DMRT1: variants seen among roughly 807,000 people sequenced by gnomAD.
DMRT1 encodes the protein doublesex- and mab-3-related transcription factor 1.
DMRT1 carries 7 observed loss-of-function variants against 32.3 expected under a neutral mutation model. The observed-to-expected ratio is 0.22, with a 90% CI of 0.12 to 0.41. The LOEUF is 0.41. DMRT1 is among the 10% of genes least tolerant of loss of function. DMRT1 has a pLI of 1.00. For missense variants in DMRT1, 625 were observed against 500.5 expected (o/e 1.25, Z -2.37); for synonymous variants, 278 against 206.1 (o/e 1.35, Z -2.99).
At chr9:881,960 C>T (rs910404747) in intron 2 of DMRT1, among the ~76,000 whole-genome samples, 1 of 152,356 alleles carries the variant, frequency 6.6e-6, no homozygotes, top group East Asian at 1.9e-4. Flanking sequence ...AAATCTCTGT[C>T]TTGGCCGTGA....
intron 1 of DMRT1, 59 bp from the exon 2 acceptor site, chr9:846,901 T>G: frequency 2.5e-5 from 40 of 1,603,576 alleles, no homozygotes; most frequent in Non-Finnish European, 3.4e-5. Flanking sequence ...GGGGCTTCTG[T>G]GTTTTGGCAA....
intron 3 of DMRT1, among the ~76,000 whole-genome samples, chr9:908,790 C>T (rs1817870704): frequency 6.6e-6 from 1 of 152,008 alleles, no homozygotes; most frequent in African/African-American, 2.4e-5. Context: ...TTCTCTCTGC[C>T]CTGTTGTGTG....
chr9:967,374 G>A, intron 4 of DMRT1, among the ~76,000 whole-genome samples: 1 of 152,152 alleles, frequency 6.6e-6, no homozygotes, highest in East Asian at 1.9e-4. Context: ...ATTTTAGTGT[G>A]ATGTAATTTA....
chr9:900,273 A>G (rs971932244), intron 3 of DMRT1, among the ~76,000 whole-genome samples: 2 of 152,110 alleles, frequency 1.3e-5, no homozygotes, highest in Non-Finnish European at 2.9e-5. Context: ...CTGCCTGCTG[A>G]GGGTGGAAGG....
chr9:871,134 T>C (rs1176167079), intron 2 of DMRT1, among the ~76,000 whole-genome samples: 1 of 151,818 alleles, frequency 6.6e-6, no homozygotes, highest in Non-Finnish European at 1.5e-5. Flanking sequence ...CCTTCTGGGC[T>C]CAAGCCATCA....
At chr9:846,263 C>T (rs1050328550) in intron 1 of DMRT1, among the ~76,000 whole-genome samples, 1 of 152,056 alleles carries the variant, frequency 6.6e-6, no homozygotes, top group Non-Finnish European at 1.5e-5. Context: ...GAACTCCTGA[C>T]CTCCGGTGAT....
chr9:873,190 A>G (rs1046401375), intron 2 of DMRT1, among the ~76,000 whole-genome samples: 1 of 152,156 alleles, frequency 6.6e-6, no homozygotes, highest in African/African-American at 2.4e-5. Flanking sequence ...CTTCTCATGC[A>G]CTTTGTGCCA....
Position 896,452 on chromosome 9 carries a change from A to G in DMRT1, c.822+2257A>G, listed in dbSNP as rs117386524. Among the ~76,000 whole-genome samples the G allele has an allele frequency of 5.3e-3, 803 of 151,394 alleles. 10 individuals are homozygous for G. The highest frequency in any genetic ancestry group is 7.4e-3 in the Non-Finnish European group (500 of 67,822). On this transcript the variant is annotated intron_variant, in intron 3 of 4. Transcript: ENST00000382276. Reference sequence around the variant, plus strand: ...CACCACCACTCCTCGCTAATCCAACATCCCTTTATTTCCTCCACCTCGAGC... The same window carrying G: ...CACCACCACTCCTCGCTAATCCAACGTCCCTTTATTTCCTCCACCTCGAGC...
intron 4 of DMRT1, among the ~76,000 whole-genome samples, chr9:949,369 A>G (rs975446531): frequency 3.4e-5 from 5 of 148,712 alleles, no homozygotes; most frequent in African/African-American, 5.1e-5. Flanking sequence ...TCTCTCGGGG[A>G]AAAAAAAACC....
chr9:880,811 C>T (rs1168510941), intron 2 of DMRT1, among the ~76,000 whole-genome samples: 3 of 152,048 alleles, frequency 2.0e-5, no homozygotes, highest in Admixed American at 2.0e-4. Flanking sequence ...GCCTTCCCCA[C>T]CCTTGCCGCT....
intron 4 of DMRT1, among the ~76,000 whole-genome samples, chr9:922,959 G>A (rs1818403339): frequency 6.6e-6 from 1 of 152,158 alleles, no homozygotes; most frequent in Non-Finnish European, 1.5e-5. Flanking sequence ...TCTGTGATGT[G>A]TAAGCAGCTT....
Position 847,112 on chromosome 9 carries a change from G to A in DMRT1, c.507G>A (p.Pro169=), listed in dbSNP as rs200875305. ...AGTGCAGTGGCACCTCTCAGCCACCGCCGGCCAGTGTCCCCACCACTGCAG... is the reference window on the plus strand; with the variant it reads ...AGTGCAGTGGCACCTCTCAGCCACCACCGGCCAGTGTCCCCACCACTGCAG... ...MTECSGTSQP[P]PASVPTTAAS... The change falls in exon 2 of 5, where the codon CCG becomes CCA. Residue 169 remains proline, a synonymous_variant. Coordinates refer to ENST00000382276, the MANE Select transcript of DMRT1 (RefSeq NM_021951.3). The A allele has an allele frequency of 1.3e-4, 208 of 1,613,230 alleles. No individual in the cohort carries two copies. The highest frequency in any genetic ancestry group is 1.7e-4 in the Non-Finnish European group (201 of 1,180,042).
chr9:900,103 TGA>T, intron 3 of DMRT1, among the ~76,000 whole-genome samples: 1 of 152,136 alleles, frequency 6.6e-6, no homozygotes, highest in East Asian at 1.9e-4. Context: ...TTGGGAAAAG[TGA>T]GTCTTGGGAG....
Position 948,552 on chromosome 9 carries a change from A to T in DMRT1, c.968-19433A>T, listed in dbSNP as rs1029603525. Among the ~76,000 whole-genome samples the T allele has an allele frequency of 1.2e-3, 186 of 152,104 alleles. 1 individual carries two copies. Among genetic ancestry groups the T allele is most frequent in the African/African-American group, 4.4e-3 (182 of 41,508 alleles). On this transcript the variant is annotated intron_variant, in intron 4 of 4. Transcript: ENST00000382276. The stretch of plus-strand genomic sequence containing the variant: ...TTGGAAGCCTCTCTGCTGGCCCGGG[A>T]CAGACCATCCTTCCCCTGCGCTCTG...
At chr9:902,280 G>T (rs1817616828) in intron 3 of DMRT1, among the ~76,000 whole-genome samples, 1 of 149,568 alleles carries the variant, frequency 6.7e-6, no homozygotes, top group Admixed American at 6.7e-5. Flanking sequence ...CTCTTATTCA[G>T]CAATGTAAAA....
chr9:896,537 A>G (rs1817370678), intron 3 of DMRT1, among the ~76,000 whole-genome samples: 1 of 152,110 alleles, frequency 6.6e-6, no homozygotes, highest in Non-Finnish European at 1.5e-5. Flanking sequence ...TATTTAGGCC[A>G]GGTGCGGTGG....
At chr9:847,978 A>C (rs760177262) in intron 2 of DMRT1, among the ~76,000 whole-genome samples, 1 of 152,244 alleles carries the variant, frequency 6.6e-6, no homozygotes, top group Non-Finnish European at 1.5e-5. Context: ...GTCTAATTCG[A>C]TGGCACTGGT....
intron 4 of DMRT1, among the ~76,000 whole-genome samples, chr9:924,965 C>T (rs542897503): frequency 1.3e-5 from 2 of 152,188 alleles, no homozygotes; most frequent in African/African-American, 2.4e-5. Context: ...AGCTGTCGGG[C>T]TCCTAACGTG....
intron 2 of DMRT1, among the ~76,000 whole-genome samples, chr9:886,602 G>A (rs1816940482): frequency 6.6e-6 from 1 of 152,068 alleles, no homozygotes; most frequent in Non-Finnish European, 1.5e-5. Flanking sequence ...GTGGCTCAGA[G>A]TGGGAATGGA....
Sources: allele counts gnomAD v4.1 joint callset (sites outside exome capture counted in the v4.1 genomes callset), GRCh38; gene constraint gnomAD v4.1.1; transcripts MANE v1.5; gene names NCBI Gene and HGNC (gene_info 2026-07-23, HGNC 2026-07-21).